TACC1: variants seen among roughly 807,000 people sequenced by gnomAD.
TACC1 encodes transforming acidic coiled-coil-containing protein 1.
TACC1 carries 48 observed loss-of-function variants against 84.4 expected under a neutral mutation model. That is an observed-to-expected ratio of 0.57 (90% CI 0.45 to 0.72). The LOEUF (loss-of-function observed/expected upper bound fraction) is 0.72, where lower values mean the gene tolerates loss of function less well. TACC1 is among the 30% of genes least tolerant of loss of function. The pLI is 0.00. For synonymous variants in TACC1, 372 were observed against 376.3 expected, an observed-to-expected ratio of 0.99 and a Z score of 0.13; for missense variants, 920 against 973.0, an observed-to-expected ratio of 0.95 and a Z score of 0.72.
At chr8:38,781,351 G>T in intron 3 of TACC1, among the ~76,000 whole-genome samples, 1 of 151,674 alleles carries the variant, frequency 6.6e-6, no homozygotes, top group Non-Finnish European at 1.5e-5. Context: ...AAAGAAGAAG[G>T]AATAAAATGG....
intron 8 of TACC1, among the ~76,000 whole-genome samples, chr8:38,838,797 TTCTTA>T (rs1165331557): frequency 1.5e-4 from 23 of 152,256 alleles, no homozygotes; most frequent in Non-Finnish European, 2.8e-4. Flanking sequence ...ACCCACATAA[TTCTTA>T]TCTTCTTAGA....
upstream of TACC1, chr8:38,728,602 G>A (rs1804286482): frequency 6.6e-6 from 1 of 152,268 alleles, no homozygotes. Flanking sequence ...CGAAATCAGC[G>A]GTAGCAGGTG....
At chr8:38,757,450 T>C (rs1810315392) in intron 3 of TACC1, 3 of 1,127,156 alleles carry the variant, frequency 2.7e-6, no homozygotes, top group Non-Finnish European at 3.3e-6. Flanking sequence ...CTTTGGGGGT[T>C]TGCGTGCCAG....
At chr8:38,784,409 A>G (rs1490242168), upstream of TACC1, among the ~76,000 whole-genome samples, 1 of 152,054 alleles carries the variant, frequency 6.6e-6, no homozygotes, top group East Asian at 1.9e-4. Context: ...CTACTAAAAA[A>G]TAAAAAAATT....
chr8:38,755,967 A>G (rs113161261), intron 3 of TACC1, among the ~76,000 whole-genome samples: 7 of 151,726 alleles, frequency 4.6e-5, no homozygotes, highest in African/African-American at 1.7e-4. Flanking sequence ...GGCGTGTGCC[A>G]CCATGCCCGG....
chr8:38,805,933 G>T (rs1367473831), intron 2 of TACC1, among the ~76,000 whole-genome samples: 1 of 152,180 alleles, frequency 6.6e-6, no homozygotes, highest in Non-Finnish European at 1.5e-5. Context: ...GCCCTTAGTG[G>T]CAGAGATGCA....
At chr8:38,766,819 C>A (rs1812344099) in intron 3 of TACC1, among the ~76,000 whole-genome samples, 1 of 149,070 alleles carries the variant, frequency 6.7e-6, no homozygotes, top group African/African-American at 2.6e-5. Context: ...TCCTGATGAA[C>A]CTGGCTGAAG....
chr8:38,754,926 G>A (rs561662345), intron 3 of TACC1, among the ~76,000 whole-genome samples: 1 of 152,342 alleles, frequency 6.6e-6, no homozygotes, highest in South Asian at 2.1e-4. Flanking sequence ...ACTTCGGGAG[G>A]CCGAGGCAGG....
At chr8:38,732,929 T>C (rs1347835972) in intron 1 of TACC1, among the ~76,000 whole-genome samples, 2 of 152,128 alleles carry the variant, frequency 1.3e-5, no homozygotes, top group African/African-American at 2.4e-5. Flanking sequence ...TGGACAAGAG[T>C]CATAACTCTT....
chr8:38,733,709 T>C (rs1028458500), intron 1 of TACC1, among the ~76,000 whole-genome samples: 8 of 152,010 alleles, frequency 5.3e-5, no homozygotes, highest in Non-Finnish European at 8.8e-5. Context: ...CTCTGTCCTT[T>C]TTCTTGGTGG....
At chr8:38,773,718 G>A (rs1320275092) in intron 3 of TACC1, among the ~76,000 whole-genome samples, 1 of 152,002 alleles carries the variant, frequency 6.6e-6, no homozygotes, top group Non-Finnish European at 1.5e-5. Context: ...TTGAGCAGAA[G>A]AAACAAGATA....
chr8:38,789,644 G>A (rs1293533363), intron 2 of TACC1, among the ~76,000 whole-genome samples: 10 of 152,120 alleles, frequency 6.6e-5, no homozygotes, highest in Admixed American at 6.5e-4. Flanking sequence ...AGGGGAGTTA[G>A]TGGGGGCATT....
intron 3 of TACC1, among the ~76,000 whole-genome samples, chr8:38,779,833 C>A (rs1349244022): frequency 6.6e-6 from 1 of 152,216 alleles, no homozygotes; most frequent in Non-Finnish European, 1.5e-5. Context: ...AAGGCCGTAA[C>A]AATACTTTCC....
intron 2 of TACC1, among the ~76,000 whole-genome samples, chr8:38,790,385 T>G (rs1056974480): frequency 6.6e-6 from 1 of 152,214 alleles, no homozygotes; most frequent in Non-Finnish European, 1.5e-5. Flanking sequence ...AACATATCAT[T>G]TTGAGAGACA....
At chr8:38,844,974 T>C (rs1368508430) in intron 11 of TACC1, 1 of 152,168 alleles carries the variant, frequency 6.6e-6, no homozygotes, top group East Asian at 1.9e-4. Context: ...ACCCATGCTG[T>C]AGTGCAGTGG....
intron 2 of TACC1, among the ~76,000 whole-genome samples, chr8:38,801,466 A>G (rs376408273): frequency 8.5e-4 from 129 of 152,356 alleles, no homozygotes; most frequent in African/African-American, 3.1e-3. Flanking sequence ...ATTTGTCAAA[A>G]AGACTATTCT....
chr8:38,758,498 G>A (rs1194188025), intron 3 of TACC1, among the ~76,000 whole-genome samples: 1 of 151,926 alleles, frequency 6.6e-6, no homozygotes, highest in Non-Finnish European at 1.5e-5. Context: ...GACCAACATG[G>A]TGAAACCCCG....
At chr8:38,831,055 A>G in intron 5 of TACC1, 70 bp from the exon 6 acceptor site, 1 of 1,461,982 alleles carries the variant, frequency 6.8e-7, no homozygotes, top group Non-Finnish European at 9.6e-7. Flanking sequence ...TGGGGTTTCC[A>G]AGAGCCTTTC....
chr8:38,734,341 T>G (rs957456530), intron 1 of TACC1, among the ~76,000 whole-genome samples: 8 of 152,108 alleles, frequency 5.3e-5, no homozygotes, highest in African/African-American at 1.7e-4. Flanking sequence ...TACAGGCACC[T>G]GCCACCACAC....
Sources: allele counts gnomAD v4.1 joint callset (sites outside exome capture counted in the v4.1 genomes callset), GRCh38; gene constraint gnomAD v4.1.1; transcripts MANE v1.5; gene names NCBI Gene and HGNC (gene_info 2026-07-23, HGNC 2026-07-21).